The following MSRA variants were observed in gnomAD, a reference collection of about 807,000 sequenced individuals.
The protein encoded by MSRA is mitochondrial peptide methionine sulfoxide reductase.
MSRA carries 54 observed loss-of-function variants against 31.3 expected under a neutral mutation model. That is an observed-to-expected ratio of 1.73 (90% CI 1.39 to 2.17). MSRA has a LOEUF of 2.17. Among genes scored for constraint, MSRA ranks in the 30% most tolerant of loss-of-function variants. The pLI, the probability that MSRA is intolerant of heterozygous loss-of-function variation, is 0.00. For missense variants in MSRA, 507 were observed against 300.9 expected (o/e 1.69, Z -5.07); for synonymous variants, 169 against 116.5 (o/e 1.45, Z -2.90).
intron 1 of MSRA, among the ~76,000 whole-genome samples, chr8:10,206,855 A>C (rs1809029595): frequency 2.0e-5 from 3 of 152,214 alleles, no homozygotes; most frequent in Admixed American, 2.0e-4. Flanking sequence ...TATTTCTTGA[A>C]GATAACTGTA....
chr8:10,112,119 C>G (rs530698670), intron 1 of MSRA, among the ~76,000 whole-genome samples: 27 of 152,188 alleles, frequency 1.8e-4, no homozygotes, highest in African/African-American at 6.5e-4. Context: ...CTCTGACACC[C>G]AAGTCCCAGC....
chr8:10,236,529 A>G (rs1379090881), intron 2 of MSRA, among the ~76,000 whole-genome samples: 2 of 152,192 alleles, frequency 1.3e-5, no homozygotes, highest in African/African-American at 4.8e-5. Context: ...ATAGAACTAT[A>G]TGTAATACAA....
chr8:10,144,321 TG>T, intron 1 of MSRA, among the ~76,000 whole-genome samples: 1 of 152,338 alleles, frequency 6.6e-6, no homozygotes, highest in South Asian at 2.1e-4. Context: ...TGTTTGGCTC[TG>T]CCACCTCCTA....
At chr8:10,333,740 G>C (rs984723437) in intron 5 of MSRA, among the ~76,000 whole-genome samples, 1 of 150,040 alleles carries the variant, frequency 6.7e-6, no homozygotes, top group Non-Finnish European at 1.5e-5. Context: ...CTCCATGTTC[G>C]CATCACGCTT....
intron 5 of MSRA, among the ~76,000 whole-genome samples, chr8:10,412,880 G>A (rs1304223028): frequency 6.6e-6 from 1 of 152,150 alleles, no homozygotes; most frequent in Non-Finnish European, 1.5e-5. Flanking sequence ...ACTGAGGTGG[G>A]GAGCACAAAG....
chr8:10,323,768 G>GTGTGTGTGTGTC (rs1563350938), intron 5 of MSRA, among the ~76,000 whole-genome samples: 1 of 151,556 alleles, frequency 6.6e-6, no homozygotes, highest in Admixed American at 6.6e-5. Flanking sequence ...GTGTGTGTGT[G>GTGTGTGTGTGTC]TGTGTGTCTG....
intron 3 of MSRA, among the ~76,000 whole-genome samples, chr8:10,289,992 T>G (rs190047833): frequency 5.7e-4 from 87 of 152,348 alleles, no homozygotes; most frequent in African/African-American, 2.0e-3. Context: ...CTGTTATTGC[T>G]CTTAACCATC....
intron 3 of MSRA, among the ~76,000 whole-genome samples, chr8:10,270,785 T>C (rs910465500): frequency 3.3e-5 from 5 of 152,246 alleles, no homozygotes; most frequent in African/African-American, 1.2e-4. Context: ...AAGCTGTGAT[T>C]CCAAGATCTT....
At chr8:10,378,050 G>T (rs1393854124) in intron 5 of MSRA, among the ~76,000 whole-genome samples, 2 of 152,250 alleles carry the variant, frequency 1.3e-5, no homozygotes, top group Non-Finnish European at 2.9e-5. Context: ...CAGGCCAGCA[G>T]ATGTCTTTAT....
chr8:10,207,115 C>G (rs957938800), intron 1 of MSRA, among the ~76,000 whole-genome samples: 1 of 152,192 alleles, frequency 6.6e-6, no homozygotes, highest in African/African-American at 2.4e-5. Flanking sequence ...CTCATATTGT[C>G]TATTGATCAC....
intron 1 of MSRA, among the ~76,000 whole-genome samples, chr8:10,194,305 G>C (rs1807784827): frequency 6.6e-6 from 1 of 152,162 alleles, no homozygotes; most frequent in Non-Finnish European, 1.5e-5. Context: ...CATGGCTCCT[G>C]CCTGTAATCC....
At chr8:10,310,034 A>G (rs1048283574) in intron 4 of MSRA, among the ~76,000 whole-genome samples, 3 of 152,328 alleles carry the variant, frequency 2.0e-5, no homozygotes, top group East Asian at 3.9e-4. Context: ...TGTCGTTCGT[A>G]TATTTGAACT....
At chr8:10,332,336 G>A (rs140157529) in intron 5 of MSRA, among the ~76,000 whole-genome samples, 25 of 152,118 alleles carry the variant, frequency 1.6e-4, no homozygotes, top group Non-Finnish European at 2.9e-4. Context: ...ATAGCTCTTC[G>A]TCTTTAAAAA....
At chr8:10,352,403 G>A (rs1412040116) in intron 5 of MSRA, among the ~76,000 whole-genome samples, 3 of 152,260 alleles carry the variant, frequency 2.0e-5, no homozygotes, top group Admixed American at 2.0e-4. Flanking sequence ...TGTGCTTTGG[G>A]ACTACAAGTT....
intron 1 of MSRA, among the ~76,000 whole-genome samples, chr8:10,133,485 T>C (rs781126696): frequency 3.3e-5 from 5 of 152,112 alleles, no homozygotes; most frequent in Non-Finnish European, 5.9e-5. Flanking sequence ...TCTGTGCACA[T>C]CCAGGAGAGA....
At chr8:10,318,853 T>C (rs6997224) in intron 4 of MSRA, among the ~76,000 whole-genome samples, 26,713 of 152,094 alleles carry the variant, frequency 0.18, 2,675 homozygotes, top group African/African-American at 0.27. Context: ...CATCAGGGCT[T>C]TGACACAGAT....
chr8:10,345,335 C>T (rs982053733), intron 5 of MSRA, among the ~76,000 whole-genome samples: 7 of 152,164 alleles, frequency 4.6e-5, no homozygotes, highest in Non-Finnish European at 1.0e-4. Context: ...GGTTACTAAG[C>T]ATGTAAGGAG....
At chr8:10,255,459 G>C (rs1798127180) in intron 3 of MSRA, among the ~76,000 whole-genome samples, 1 of 152,160 alleles carries the variant, frequency 6.6e-6, no homozygotes, top group African/African-American at 2.4e-5. Context: ...CTGATTCCCT[G>C]AGTGAATTTA....
chr8:10,408,934 C>T (rs1049857757), intron 5 of MSRA, among the ~76,000 whole-genome samples: 1 of 152,188 alleles, frequency 6.6e-6, no homozygotes, highest in African/African-American at 2.4e-5. Flanking sequence ...TTCCATGGTA[C>T]ATATACGCCA....
Sources: allele counts gnomAD v4.1 joint callset (sites outside exome capture counted in the v4.1 genomes callset), GRCh38; gene constraint gnomAD v4.1.1; transcripts MANE v1.5; gene names NCBI Gene and HGNC (gene_info 2026-07-23, HGNC 2026-07-21).